The following COQ8B variants were observed in gnomAD, a reference collection of about 807,000 sequenced individuals.
COQ8B encodes atypical kinase COQ8B, mitochondrial.
A neutral mutation model predicts 62.0 loss-of-function variants in COQ8B; 44 were observed. The observed-to-expected ratio is 0.71, with a 90% CI of 0.56 to 0.91. COQ8B has a LOEUF of 0.91. Among genes scored for constraint, COQ8B ranks in the 40% least tolerant of loss-of-function variants. COQ8B has a pLI of 0.00. For missense variants in COQ8B, 649 were observed against 731.6 expected (o/e 0.89, Z 1.30); for synonymous variants, 252 against 289.9 (o/e 0.87, Z 1.33).
At chr19:40,701,842 TA>T (rs1329748587) in intron 10 of COQ8B, among the ~76,000 whole-genome samples, 1 of 152,172 alleles carries the variant, frequency 6.6e-6, no homozygotes, top group African/African-American at 2.4e-5. Context: ...AGGCTGTCAA[TA>T]AATGTGTGAG....
intron 9 of COQ8B, chr19:40,703,336 G>T (rs1162207683): frequency 4.4e-5 from 25 of 574,162 alleles, no homozygotes; most frequent in Non-Finnish European, 3.1e-6. Flanking sequence ...TCTCTCTAAG[G>T]CTCTGTTAAA....
intron 9 of COQ8B, 68 bp from the exon 10 acceptor site, chr19:40,702,761 A>G: frequency 7.0e-7 from 1 of 1,434,434 alleles, no homozygotes; most frequent in African/African-American, 1.5e-5. Context: ...TCTCCTGCCA[A>G]CCCTCTCTCT....
At chr19:40,711,157 C>G (rs980959634) in intron 4 of COQ8B, among the ~76,000 whole-genome samples, 1 of 151,110 alleles carries the variant, frequency 6.6e-6, no homozygotes, top group Non-Finnish European at 1.5e-5. Context: ...AAGAAGGCCC[C>G]GAAACAATTG....
At chr19:40,693,082 A>T in intron 13 of COQ8B, 45 bp from the exon 14 acceptor site, 1 of 1,557,328 alleles carries the variant, frequency 6.4e-7, no homozygotes, top group Non-Finnish European at 8.8e-7. Context: ...CCGGGGCTCA[A>T]GGGGGCTCTG....
In COQ8B at chr19:40,710,782, G is replaced by C. The variant is rs139848006; in HGVS notation, c.290-646C>G. 2.8e-3 allele frequency among the ~76,000 whole-genome samples: 432 copies of C among 152,258 alleles called. 1 individual carries two copies. Among genetic ancestry groups the C allele is most frequent in the African/African-American group, 0.01 (418 of 41,542 alleles). On this transcript the variant is annotated intron_variant, in intron 4 of 14. Coordinates refer to ENST00000324464, the MANE Select transcript of COQ8B (RefSeq NM_024876.4). ...CTGATTAAATTGGCCTGAGACATGG[G>C]AATTTGTGTTTTGTTAAAAAGCACC...
Position 40,714,586 on chromosome 19 carries a change from A to G in COQ8B, c.47T>C (p.Leu16Pro). The G allele has an allele frequency of 1.2e-6, 2 of 1,613,102 alleles. No homozygotes were observed. Among genetic ancestry groups the G allele is most frequent in the Non-Finnish European group, 1.7e-6 (2 of 1,179,714 alleles). The stretch of plus-strand genomic sequence containing the variant: ...ACAAGGCCAACCAACAGTCTGGCCC[A>G]GCTGTCCACCGGTCCCCCGAAGTAG... ...GGLLRGTGGQ[L>P]GQTVGWPCGA... Residue 16 changes from leucine (L) to proline (P), a missense_variant, in exon 2 of 15, where the codon CTG becomes CCG. Physicochemically the swap from Leu to Pro is moderately conservative, Grantham distance 98. Transcript: ENST00000324464.
rs778994676 is a variant in COQ8B at position 40,692,284 on chromosome 19, C to T, written c.1386G>A (p.Thr462=). Residue 462 remains threonine (T), a synonymous_variant, in exon 15 of 15, where the codon ACG becomes ACA. Coordinates refer to ENST00000324464, the MANE Select transcript of COQ8B (RefSeq NM_024876.4). Reference sequence around the variant, plus strand: ...GGATGAGGTCCTGTATGCGGCGGGCCGTTTCCCCCGACCCAAAGTCATAAG... The same window carrying T: ...GGATGAGGTCCTGTATGCGGCGGGCTGTTTCCCCCGACCCAAAGTCATAAG... ...QGPYDFGSGE[T]ARRIQDLIPV... 14 of 1,613,484 alleles carry T rather than the reference C, an allele frequency of 8.7e-6. No homozygotes were observed. The highest frequency in any genetic ancestry group is 4.0e-5 in the African/African-American group (3 of 74,876).
At chr19:40,693,980 C>T (rs957823240) in intron 13 of COQ8B, among the ~76,000 whole-genome samples, 4 of 152,156 alleles carry the variant, frequency 2.6e-5, no homozygotes, top group Non-Finnish European at 5.9e-5. Context: ...GGCCATCTGT[C>T]AGGCCTGTGG....
At chr19:40,715,614 G>T (rs748023795) in intron 1 of COQ8B, 2 of 984,918 alleles carry the variant, frequency 2.0e-6, no homozygotes, top group Non-Finnish European at 2.4e-6. Flanking sequence ...TCCCGCTCAC[G>T]CCTTCAACTC....
chr19:40,693,367 G>A (rs1030414573), intron 13 of COQ8B, among the ~76,000 whole-genome samples: 6 of 152,154 alleles, frequency 3.9e-5, no homozygotes, highest in South Asian at 2.1e-4. Flanking sequence ...GGGTATGAGC[G>A]TGACCCAGAA....
intron 13 of COQ8B, 124 bp downstream of exon 13, chr19:40,695,865 G>T: frequency 1.0e-6 from 1 of 996,518 alleles, no homozygotes; most frequent in South Asian, 1.4e-5. Context: ...TAGTTGCTAC[G>T]AGTATTACTA....
intron 9 of COQ8B, 58 bp from the exon 10 acceptor site, chr19:40,702,751 TCTC>T: frequency 4.6e-6 from 7 of 1,508,784 alleles, no homozygotes; most frequent in Non-Finnish European, 6.4e-6. Flanking sequence ...GTGGATGCCT[TCTC>T]CTGCCAACCC....
chr19:40,715,493 CA>C, intron 1 of COQ8B: 1 of 985,560 alleles, frequency 1.0e-6, no homozygotes, highest in Non-Finnish European at 1.2e-6. Context: ...TTCTTCCCAG[CA>C]AACATTTCCC....
chr19:40,714,051 C>T lies in COQ8B; in HGVS notation c.289+16G>A. ...CTAATTGAGGTCACACCAAGATCCC[C>T]CAAAGTCACACCTACCCCCAAAGTT... On this transcript the variant is annotated intron_variant, in intron 4 of 14. Coordinates refer to ENST00000324464, the MANE Select transcript of COQ8B (RefSeq NM_024876.4). 2 of 1,614,056 alleles carry T rather than the reference C, an allele frequency of 1.2e-6. No homozygotes were observed. The highest frequency in any genetic ancestry group is 1.3e-5 in the African/African-American group (1 of 75,010).
chr19:40,696,714 C>T (rs544165593), intron 12 of COQ8B, among the ~76,000 whole-genome samples: 40 of 151,642 alleles, frequency 2.6e-4, no homozygotes, highest in African/African-American at 8.2e-4. Context: ...CTGTGTATCC[C>T]GCCCTGATCA....
intron 11 of COQ8B, 47 bp downstream of exon 11, chr19:40,700,263 C>G (rs751645543): frequency 6.2e-7 from 1 of 1,610,702 alleles, no homozygotes; most frequent in Admixed American, 1.7e-5. Flanking sequence ...GCCTGGCCCA[C>G]CCGCCCTGGG....
Position 40,715,282 on chromosome 19 carries a change from C to T in COQ8B, c.-3-647G>A, listed in dbSNP as rs73045494. On this transcript the variant is annotated intron_variant, in intron 1 of 14. Transcript: ENST00000324464. ...GGCCCATCTGGGGGGATTGCTGAGGCATCGCGGGAGCGCAAGCGTGCCCTG... is the reference window on the plus strand; with the variant it reads ...GGCCCATCTGGGGGGATTGCTGAGGTATCGCGGGAGCGCAAGCGTGCCCTG... The T allele has an allele frequency of 3.6e-3, 3,539 of 986,048 alleles. 12 individuals are homozygous for T. Among genetic ancestry groups the T allele is most frequent in the Middle Eastern group, 6.3e-3 (12 of 1,916 alleles). 61.1% of individuals were successfully genotyped at this position (986,048 alleles called of 1,614,324 possible). A position where few individuals can be genotyped will look rare whatever the true frequency, so the allele number is the denominator to read the frequency against.
rs2081978433 is a variant in COQ8B at position 40,692,337 on chromosome 19, G to A, written c.1333C>T (p.Leu445=). ...SDAHVEAVMI[L]GEPFATQGPY... ...CCCTGGGTGGCGAAAGGCTCCCCCA[G>A]GATCATCACTGCCTCCACGTGGGCG... Residue 445 remains leucine, a synonymous_variant, in exon 15 of 15, where the codon CTG becomes TTG. Coordinates refer to ENST00000324464, the MANE Select transcript of COQ8B (RefSeq NM_024876.4). The A allele has an allele frequency of 1.9e-6, 3 of 1,613,650 alleles. No individual in the cohort carries two copies. Among genetic ancestry groups the A allele is most frequent in the Non-Finnish European group, 2.5e-6 (3 of 1,179,842 alleles).
chr19:40,692,806 TG>T, intron 14 of COQ8B, 144 bp downstream of exon 14: 1 of 665,424 alleles, frequency 1.5e-6, no homozygotes, highest in Non-Finnish European at 2.6e-6. Context: ...TTCTCCCTAG[TG>T]GAGACAAGCC....
Sources: allele counts gnomAD v4.1 joint callset (sites outside exome capture counted in the v4.1 genomes callset), GRCh38; gene constraint gnomAD v4.1.1; transcripts MANE v1.5; gene names NCBI Gene and HGNC (gene_info 2026-07-23, HGNC 2026-07-21).